LRRC9: variants seen among roughly 807,000 people sequenced by gnomAD.
LRRC9 encodes leucine rich repeat containing 9.
Under a neutral mutation model 63.2 loss-of-function variants are expected in LRRC9, and 122 were observed. The ratio of observed to expected loss-of-function variants is 1.93; its 90% CI spans 1.67 to 2.24. The LOEUF (loss-of-function observed/expected upper bound fraction) is 2.24. Ranked by LOEUF, LRRC9 falls within the 30% of genes most tolerant of loss-of-function variation. LRRC9 has a pLI of 0.00. For synonymous variants in LRRC9, 366 were observed against 213.1 expected, an observed-to-expected ratio of 1.72 and a Z score of -6.25; for missense variants, 1,071 against 627.7, an observed-to-expected ratio of 1.71 and a Z score of -7.55.
chr14:60,028,071 G>A (rs939866021), exon 28 of LRRC9: 2 of 701,242 alleles, frequency 2.9e-6, no homozygotes, highest in African/African-American at 3.5e-5. Context: ...TAAAACTAGA[G>A]AAACTCTTCC....
chr14:60,002,083 G>A (rs1360368787), exon 20 of LRRC9: 5 of 699,220 alleles, frequency 7.2e-6, no homozygotes, highest in Non-Finnish European at 1.0e-5. Flanking sequence ...ACATCTGAGT[G>A]GAAACTGCTA....
At position 60,053,416 on chromosome 14, in the gene LRRC9, CACACATAT is replaced by C. The variant is rs766730319; in HGVS notation, c.4131+213_4131+220del. Among the ~76,000 whole-genome samples the C allele has an allele frequency of 8.0e-6, 1 of 125,730 alleles. No individual in the cohort carries two copies. Among genetic ancestry groups the C allele is most frequent in the Non-Finnish European group, 1.8e-5 (1 of 56,432 alleles). 82.5% of individuals were successfully genotyped at this position (125,730 alleles called of 152,430 possible). A position where few individuals can be genotyped will look rare whatever the true frequency, so the allele number is the denominator to read the frequency against. ...ACACACACACACACACACACACACA[CACACATAT>C]ATATGTAAGTCAGGGAACATCCTTT... is the stretch of plus-strand genomic sequence containing the variant. On this transcript the variant is annotated intron_variant, in intron 30 of 31. Coordinates refer to ENST00000445360, the Ensembl canonical transcript of LRRC9. The surrounding 1 kb of genome is among the most constrained non-coding windows in gnomAD (Gnocchi z 4.8).
intron 7 of LRRC9, among the ~76,000 whole-genome samples, chr14:59,939,378 T>C (rs918707727): frequency 6.6e-6 from 1 of 151,952 alleles, no homozygotes; most frequent in African/African-American, 2.4e-5. Flanking sequence ...GACTTTGGTC[T>C]TTACTTTGAG....
At chr14:60,022,610 G>A in intron 26 of LRRC9, 124 bp from the exon 27 acceptor site, 2 of 398,756 alleles carry the variant, frequency 5.0e-6, no homozygotes, top group Non-Finnish European at 8.9e-6. Flanking sequence ...GCTTAATTCT[G>A]ATATATTAAT....
At chr14:60,020,466 T>C (rs1431831068) in intron 26 of LRRC9, among the ~76,000 whole-genome samples, 1 of 151,966 alleles carries the variant, frequency 6.6e-6, no homozygotes, top group Non-Finnish European at 1.5e-5. Flanking sequence ...TTGATTTTTC[T>C]AATAGTTTTA....
At chr14:59,998,029 A>G (rs1347943665) in intron 18 of LRRC9, among the ~76,000 whole-genome samples, 182 bp downstream of exon 18, 2 of 152,118 alleles carry the variant, frequency 1.3e-5, no homozygotes, top group Admixed American at 1.3e-4. Context: ...AGATGTTACT[A>G]TAAGAAAAGA....
At chr14:60,020,875 G>A (rs2140286812) in intron 26 of LRRC9, among the ~76,000 whole-genome samples, 1 of 151,934 alleles carries the variant, frequency 6.6e-6, no homozygotes, top group Admixed American at 6.6e-5. Flanking sequence ...GTTACATAAT[G>A]TTTATTCATC....
rs1350230250 is a variant in LRRC9, at chr14:60,050,907, A to G, written c.3991-2158A>G. On this transcript the variant is annotated intron_variant, in intron 29 of 31. Coordinates refer to ENST00000445360, the Ensembl canonical transcript of LRRC9. Reference sequence around the variant, plus strand: ...TTTTCCCATACCTGGAGGTATATCCAGTGAAGGCTGCAAAGCAGCAAAGAT... The same window carrying G: ...TTTTCCCATACCTGGAGGTATATCCGGTGAAGGCTGCAAAGCAGCAAAGAT... 9.2e-5 allele frequency among the ~76,000 whole-genome samples: 14 copies of G among 152,216 alleles called. No homozygotes were observed. The East Asian group carries it at 2.7e-3, about 29-fold the overall frequency.
In LRRC9 at chr14:60,003,148, T is replaced by C. The variant is rs538572730; in HGVS notation, c.2665-473T>C. 1.1e-4 allele frequency among the ~76,000 whole-genome samples: 17 copies of C among 152,348 alleles called. No homozygotes were observed. Among genetic ancestry groups the C allele is most frequent in the Non-Finnish European group, 2.4e-4 (16 of 68,018 alleles). On this transcript the variant is annotated intron_variant, in intron 20 of 31. Transcript: ENST00000445360. The surrounding 1 kb of genome is among the most constrained non-coding windows in gnomAD (Gnocchi z 4.2). ...TGCAAATGAAGGCCCAGTGACAGCTTTGGCTGACCCACAGGCAGTTCTGGA... is the reference window on the plus strand; with the variant it reads ...TGCAAATGAAGGCCCAGTGACAGCTCTGGCTGACCCACAGGCAGTTCTGGA...
intron 8 of LRRC9, among the ~76,000 whole-genome samples, chr14:59,953,270 C>T (rs143103701): frequency 0.014 from 2,170 of 152,308 alleles, 51 homozygotes; most frequent in East Asian, 0.058. Flanking sequence ...TTTACACTCC[C>T]ACCAACAGTG....
intron 29 of LRRC9, among the ~76,000 whole-genome samples, chr14:60,036,171 C>T (rs910677300): frequency 8.5e-5 from 13 of 152,110 alleles, no homozygotes; most frequent in Admixed American, 3.3e-4. Context: ...ATGACCTCAT[C>T]TAAACATAAT....
rs1894455923 is a variant in LRRC9 at position 60,058,691 on chromosome 14, C to T, written c.4276+669C>T. Among the ~76,000 whole-genome samples, 3 of 152,108 alleles carry T rather than the reference C, an allele frequency of 2.0e-5. No homozygotes were observed. The highest frequency in any genetic ancestry group is 2.0e-4 in the Admixed American group (3 of 15,270). On this transcript the variant is annotated intron_variant, in intron 31 of 31. Coordinates refer to ENST00000445360, the Ensembl canonical transcript of LRRC9. This position sits in a 1 kb window ranked among gnomAD's most constrained non-coding sequence, Gnocchi z 4.4. ...TAAGTACTCCTTCTCTGAGGGCTCA[C>T]CTCTTCCAGTCCTTCTGACTTCCCA...
chr14:60,023,709 A>G (rs1046688672), intron 27 of LRRC9, among the ~76,000 whole-genome samples: 1 of 152,064 alleles, frequency 6.6e-6, no homozygotes, highest in Non-Finnish European at 1.5e-5. Flanking sequence ...GGTTTGTTAC[A>G]TAGGTATACA....
At chr14:59,945,664 C>G (rs1882291837) in intron 8 of LRRC9, among the ~76,000 whole-genome samples, 1 of 151,768 alleles carries the variant, frequency 6.6e-6, no homozygotes, top group African/African-American at 2.4e-5. Context: ...AAATGAAAAT[C>G]TGAAAAAATG....
At chr14:59,974,614 T>C in exon 13 of LRRC9, 3 of 680,030 alleles carry the variant, frequency 4.4e-6, no homozygotes, top group Non-Finnish European at 5.3e-6. Flanking sequence ...TTTCTAACAG[T>C]CTAAGTATAA....
intron 12 of LRRC9, among the ~76,000 whole-genome samples, chr14:59,972,464 TG>T (rs1594906261): frequency 1.3e-5 from 2 of 152,210 alleles, no homozygotes; most frequent in East Asian, 3.9e-4. Flanking sequence ...GCCGTAACCA[TG>T]TTTCATATTA....
chr14:59,991,832 A>G (rs907619825), intron 17 of LRRC9, among the ~76,000 whole-genome samples: 5 of 152,180 alleles, frequency 3.3e-5, no homozygotes, highest in African/African-American at 4.8e-5. Context: ...AACTGCGTGG[A>G]GCCCACCACA....
At position 60,051,601 on chromosome 14, in the gene LRRC9, C is replaced by T. The variant is rs1250956541; in HGVS notation, c.3991-1464C>T. On this transcript the variant is annotated intron_variant, in intron 29 of 31. Coordinates refer to ENST00000445360, the Ensembl canonical transcript of LRRC9. This position sits in a 1 kb window ranked among gnomAD's most constrained non-coding sequence, Gnocchi z 4.7. ...TGGCTGGAATTCTAAGCCAGTGGGTCTTAACTTATGAGGTGCCATGAAACT... is the reference window on the plus strand; with the variant it reads ...TGGCTGGAATTCTAAGCCAGTGGGTTTTAACTTATGAGGTGCCATGAAACT... Among the ~76,000 whole-genome samples, 1 of 152,164 alleles carries T rather than the reference C, an allele frequency of 6.6e-6. No homozygotes were observed. Among genetic ancestry groups the T allele is most frequent in the African/African-American group, 2.4e-5 (1 of 41,446 alleles).
intron 23 of LRRC9, among the ~76,000 whole-genome samples, chr14:60,015,372 TG>T (rs1275617049): frequency 6.6e-6 from 1 of 152,310 alleles, no homozygotes; most frequent in African/African-American, 2.4e-5. Flanking sequence ...TCTGGACATT[TG>T]GGGTATTATG....
Sources: allele counts gnomAD v4.1 joint callset (sites outside exome capture counted in the v4.1 genomes callset), GRCh38; gene constraint gnomAD v4.1.1; non-coding constraint Gnocchi (gnomAD v3.1); transcripts MANE v1.5; gene names NCBI Gene and HGNC (gene_info 2026-07-23, HGNC 2026-07-21).